POLN: variants seen among roughly 807,000 people sequenced by gnomAD.
POLN encodes the protein DNA polymerase N.
Under a neutral mutation model 113.5 loss-of-function variants are expected in POLN, and 108 were observed. That is an observed-to-expected ratio of 0.95 (90% CI 0.81 to 1.12). POLN has a LOEUF of 1.12. POLN is among the 50% of genes most tolerant of loss of function. POLN has a pLI of 0.00. For synonymous variants in POLN, 386 were observed against 391.5 expected, an observed-to-expected ratio of 0.99 and a Z score of 0.17; for missense variants, 1,097 against 1,077.1, an observed-to-expected ratio of 1.02 and a Z score of -0.26.
chr4:2,128,161 A>C lies in POLN; in HGVS notation c.1934T>G (p.Phe645Cys), dbSNP rs1339645194. Residue 645 changes from phenylalanine to cysteine, a missense_variant, in exon 19 of 26, where the codon TTC (phenylalanine) becomes TGC (cysteine). Transcript: ENST00000511885. ...LSGDPELLKL[F>C]QESERDDVFS... is the part of the protein sequence containing the mutation. ...TACATCATCTCTTTCAGATTCCTGG[A>C]ATAACTTCAGAAGTTCCGGATCTCC... 1 of 1,612,478 alleles carries C rather than the reference A, an allele frequency of 6.2e-7. No individual in the cohort carries two copies. The highest frequency in any genetic ancestry group is 8.5e-7 in the Non-Finnish European group (1 of 1,178,668).
intron 6 of POLN, among the ~76,000 whole-genome samples, chr4:2,193,836 C>A (rs917353914): frequency 5.9e-5 from 9 of 152,154 alleles, no homozygotes; most frequent in Middle Eastern, 3.2e-3. Flanking sequence ...GAAGGTATGC[C>A]CTAATTCCCC....
intron 16 of POLN, among the ~76,000 whole-genome samples, chr4:2,153,383 G>T (rs191492073): frequency 2.0e-5 from 3 of 152,204 alleles, no homozygotes. Context: ...AGGTGTGAGA[G>T]AAGTGTCTAC....
At chr4:2,240,880 T>G in intron 2 of POLN, 1 of 1,609,932 alleles carries the variant, frequency 6.2e-7, no homozygotes, top group Non-Finnish European at 8.5e-7. Context: ...TCTTCTCCAT[T>G]AAGATTATCA....
At chr4:2,075,417 T>C in intron 24 of POLN, 35 bp downstream of exon 24, 1 of 1,609,492 alleles carries the variant, frequency 6.2e-7, no homozygotes, top group South Asian at 1.1e-5. Flanking sequence ...TAGCTGTCTG[T>C]GATGTCCAAG....
At position 2,095,482 on chromosome 4, in the gene POLN, C is replaced by T. The variant is rs148335093; in HGVS notation, c.2065+369G>A. Among the ~76,000 whole-genome samples, 29 of 152,324 alleles carry T rather than the reference C, an allele frequency of 1.9e-4. 1 individual carries two copies. The East Asian group carries it at 3.7e-3, about 19-fold the overall frequency. ...GTTGAGATGTGGCAATGAGTCCAAG[C>T]GCTGCACACCTTGAGGCTATCTAAC... On this transcript the variant is annotated intron_variant, in intron 20 of 25. Coordinates refer to ENST00000511885, the MANE Select transcript of POLN (RefSeq NM_181808.4).
In POLN at chr4:2,071,991, A is replaced by G; in HGVS notation, c.*123T>C. 2 of 1,077,296 alleles carry G rather than the reference A, an allele frequency of 1.9e-6. No homozygotes were observed. The highest frequency in any genetic ancestry group is 2.9e-6 in the Non-Finnish European group (2 of 693,874). 66.7% of individuals were successfully genotyped at this position (1,077,296 alleles called of 1,614,324 possible). A position where few individuals can be genotyped will look rare whatever the true frequency, so the allele number is the denominator to read the frequency against. The stretch of plus-strand genomic sequence containing the variant: ...TTTGCACAGGCATTTACTCCAGGGG[A>G]TGGCGGGCCACCCCAGCCCCAAAGG... On this transcript the variant is annotated 3_prime_UTR_variant, in exon 26 of 26. Transcript: ENST00000511885. The surrounding 1 kb of genome is among the most constrained non-coding windows in gnomAD (Gnocchi z 5.2).
chr4:2,188,989 T>C (rs1180949373), intron 7 of POLN, among the ~76,000 whole-genome samples: 1 of 91,396 alleles, frequency 1.1e-5, no homozygotes, highest in Non-Finnish European at 1.9e-5. Flanking sequence ...CAACTTGTTA[T>C]AACTATAAGA....
intron 13 of POLN, among the ~76,000 whole-genome samples, chr4:2,166,378 C>T (rs1408142169): frequency 6.6e-6 from 1 of 152,222 alleles, no homozygotes; most frequent in Non-Finnish European, 1.5e-5. Context: ...CTCTCTGGAC[C>T]ACTCAGTCTG....
chr4:2,198,596 G>T lies in POLN; in HGVS notation c.836C>A (p.Pro279Gln). Reference protein sequence around the residue: ...PVLEGFVSDDPCIYIQIEHSA... With the variant: ...PVLEGFVSDDQCIYIQIEHSA... ...GTGCTCTATTTGAATGTAGATGCAT[G>T]GATCATCTGACACAAAGCCCTCCAG... The change falls in exon 6 of 26, where the codon CCA (proline) becomes CAA (glutamine). Residue 279 changes from proline (P) to glutamine (Q), a missense_variant. Coordinates refer to ENST00000511885, the MANE Select transcript of POLN (RefSeq NM_181808.4). 4 of 1,613,922 alleles carry T rather than the reference G, an allele frequency of 2.5e-6. No homozygotes were observed. The highest frequency in any genetic ancestry group is 3.4e-6 in the Non-Finnish European group (4 of 1,179,978).
At chr4:2,074,713 G>A (rs35049331) in intron 24 of POLN, among the ~76,000 whole-genome samples, 146 of 152,174 alleles carry the variant, frequency 9.6e-4, no homozygotes, top group African/African-American at 3.3e-3. Context: ...CAGCCCTGAC[G>A]CCCCCGTGCC....
intron 6 of POLN, among the ~76,000 whole-genome samples, chr4:2,198,253 T>C (rs2108759308): frequency 6.6e-6 from 1 of 152,280 alleles, no homozygotes; most frequent in South Asian, 2.1e-4. Context: ...CTGGGGGTGA[T>C]GCTTTTCTCC....
At chr4:2,232,292 C>T in intron 2 of POLN, 1 of 492,184 alleles carries the variant, frequency 2.0e-6, no homozygotes. Context: ...ATAAATAAAC[C>T]TCGATTTAAA....
At chr4:2,160,569 G>A (rs1296584192) in intron 13 of POLN, among the ~76,000 whole-genome samples, 1 of 152,012 alleles carries the variant, frequency 6.6e-6, no homozygotes, top group African/African-American at 2.4e-5. Flanking sequence ...AACCATGTCT[G>A]GCTAATTTTT....
intron 19 of POLN, among the ~76,000 whole-genome samples, chr4:2,105,109 A>C (rs3135056): frequency 0.85 from 129,948 of 152,130 alleles, 56,187 homozygotes; most frequent in Non-Finnish European, 0.92. Context: ...AGGCTCAACA[A>C]ATTTGCGACT....
intron 2 of POLN, 22 bp downstream of exon 2, chr4:2,241,498 T>A: frequency 1.0e-6 from 1 of 985,812 alleles, no homozygotes; most frequent in Non-Finnish European, 1.2e-6. Context: ...GCACATCTTC[T>A]GAAGATCAAC....
In POLN at chr4:2,240,793, C is replaced by T. The variant is rs891116277; in HGVS notation, c.-13+727G>A. On this transcript the variant is annotated intron_variant, in intron 2 of 25. Transcript: ENST00000511885. Reference sequence around the variant, plus strand: ...GCTTCCAATTCTCTTTCAGACAACACGTTCTGTTCATTCACATTCCCACAA... The same window carrying T: ...GCTTCCAATTCTCTTTCAGACAACATGTTCTGTTCATTCACATTCCCACAA... 5.0e-6 allele frequency: 8 copies of T among 1,613,750 alleles called. No individual in the cohort carries two copies. In the African/African-American group the frequency reaches 1.1e-4, roughly 22 times the overall value.
chr4:2,209,280 G>A (rs550401514), intron 4 of POLN, among the ~76,000 whole-genome samples: 1 of 151,882 alleles, frequency 6.6e-6, no homozygotes, highest in Non-Finnish European at 1.5e-5. Context: ...AACAGTTCGA[G>A]ACCATCCTGA....
At chr4:2,086,361 T>A (rs1308784735) in intron 20 of POLN, among the ~76,000 whole-genome samples, 3 of 152,146 alleles carry the variant, frequency 2.0e-5, no homozygotes, top group African/African-American at 4.8e-5. Flanking sequence ...GTGGCTGAGT[T>A]CCGCAAGCAT....
In POLN at chr4:2,170,631, A is replaced by C. The variant is rs1254406384; in HGVS notation, c.1554+48T>G. ...CTGAAGGTCAGCACACATGTGGTGC[A>C]GACATGCTGTCATTCTAAAAAGAAA... On this transcript the variant is annotated intron_variant, in intron 13 of 25. Transcript: ENST00000511885. 3 of 1,485,852 alleles carry C rather than the reference A, an allele frequency of 2.0e-6. No homozygotes were observed. In the East Asian group the frequency reaches 6.8e-5, roughly 34 times the overall value. 92.0% of individuals were successfully genotyped at this position (1,485,852 alleles called of 1,614,324 possible). A position where few individuals can be genotyped will look rare whatever the true frequency, so the allele number is the denominator to read the frequency against.
Sources: allele counts gnomAD v4.1 joint callset (sites outside exome capture counted in the v4.1 genomes callset), GRCh38; gene constraint gnomAD v4.1.1; non-coding constraint Gnocchi (gnomAD v3.1); transcripts MANE v1.5; gene names NCBI Gene and HGNC (gene_info 2026-07-23, HGNC 2026-07-21).